LIMCH1: variants seen among roughly 807,000 people sequenced by gnomAD.
LIMCH1 encodes the protein LIM and calponin homology domains 1.
A neutral mutation model predicts 176.5 loss-of-function variants in LIMCH1; 113 were observed. The observed-to-expected ratio is 0.64, with a 90% CI of 0.55 to 0.75. The LOEUF is 0.75. Ranked by LOEUF, LIMCH1 falls within the 30% of genes least tolerant of loss-of-function variation. The probability of loss-of-function intolerance (pLI) is 0.00; values close to 1 mark genes in which losing one functional copy is unlikely to be tolerated. For missense variants in LIMCH1, 1,674 were observed against 1,814.9 expected, an observed-to-expected ratio of 0.92 and a Z score of 1.41; for synonymous variants, 619 against 645.9, an observed-to-expected ratio of 0.96 and a Z score of 0.63.
chr4:41,644,762 A>T, intron 15 of LIMCH1, 136 bp downstream of exon 15: 2 of 1,067,526 alleles, frequency 1.9e-6, no homozygotes, highest in Non-Finnish European at 2.6e-6. Flanking sequence ...GACACGGTAA[A>T]TGTGGGACTC....
chr4:41,578,966 G>A (rs1316273704), intron 1 of LIMCH1, among the ~76,000 whole-genome samples: 2 of 151,856 alleles, frequency 1.3e-5, no homozygotes, highest in African/African-American at 4.8e-5. Context: ...GCCTCCCAAA[G>A]CGCTGAGCTT....
At chr4:41,381,756 A>C (rs936447211) in intron 1 of LIMCH1, among the ~76,000 whole-genome samples, 3 of 152,144 alleles carry the variant, frequency 2.0e-5, no homozygotes, top group African/African-American at 7.2e-5. Context: ...GACCTGGACA[A>C]AGCCAAATTG....
At chr4:41,449,631 A>T (rs1424106018) in intron 1 of LIMCH1, among the ~76,000 whole-genome samples, 1 of 152,150 alleles carries the variant, frequency 6.6e-6, no homozygotes, top group Non-Finnish European at 1.5e-5. Flanking sequence ...TAGAATGTCG[A>T]TGCCACTTTT....
chr4:41,487,874 A>C (rs368099869), intron 1 of LIMCH1, among the ~76,000 whole-genome samples: 4 of 150,270 alleles, frequency 2.7e-5, no homozygotes, highest in South Asian at 2.1e-4. Context: ...GGATGGTCTC[A>C]ATCTCCTGAC....
chr4:41,387,013 C>T (rs1286445442), intron 1 of LIMCH1, among the ~76,000 whole-genome samples: 1 of 152,076 alleles, frequency 6.6e-6, no homozygotes, highest in Non-Finnish European at 1.5e-5. Context: ...TTCTTTTTCC[C>T]AAGTTCTGAA....
chr4:41,608,831 GT>G (rs2152780371), intron 4 of LIMCH1, among the ~76,000 whole-genome samples: 1 of 152,226 alleles, frequency 6.6e-6, no homozygotes, highest in East Asian at 1.9e-4. Context: ...GGGGACGAGG[GT>G]GGCCCTGGAG....
intron 1 of LIMCH1, among the ~76,000 whole-genome samples, chr4:41,441,703 T>C (rs2062718150): frequency 6.6e-6 from 1 of 152,220 alleles, no homozygotes; most frequent in Non-Finnish European, 1.5e-5. Flanking sequence ...GTTACAAAGT[T>C]GTGTCTAATA....
chr4:41,619,553 T>C (rs1561946587), intron 6 of LIMCH1, 113 bp downstream of exon 6: 1 of 1,358,120 alleles, frequency 7.4e-7, no homozygotes, highest in South Asian at 1.3e-5. Context: ...TGATGGAAGA[T>C]TACAGATGGA....
intron 14 of LIMCH1, among the ~76,000 whole-genome samples, chr4:41,641,894 A>G (rs748613254): frequency 1.2e-4 from 19 of 152,234 alleles, no homozygotes; most frequent in Non-Finnish European, 1.9e-4. Flanking sequence ...TTATTTAACT[A>G]ACTGGCTTCT....
At chr4:41,574,868 C>T (rs970524603) in intron 1 of LIMCH1, among the ~76,000 whole-genome samples, 1 of 152,168 alleles carries the variant, frequency 6.6e-6, no homozygotes, top group Non-Finnish European at 1.5e-5. Context: ...AATCATTTTA[C>T]CACTCTGAGC....
intron 1 of LIMCH1, among the ~76,000 whole-genome samples, chr4:41,479,641 T>C (rs2068272382): frequency 6.6e-6 from 1 of 152,234 alleles, no homozygotes; most frequent in South Asian, 2.1e-4. Flanking sequence ...AAAACATTAA[T>C]TATAAATATT....
chr4:41,547,879 A>T (rs544486915), intron 1 of LIMCH1, among the ~76,000 whole-genome samples: 3 of 141,282 alleles, frequency 2.1e-5, no homozygotes, highest in Non-Finnish European at 4.6e-5. Flanking sequence ...ATATATATAT[A>T]TATATATATA....
intron 18 of LIMCH1, among the ~76,000 whole-genome samples, chr4:41,652,443 A>G (rs1029951603): frequency 1.8e-4 from 27 of 152,088 alleles, no homozygotes; most frequent in African/African-American, 6.3e-4. Flanking sequence ...CTGGACTTCC[A>G]TTTTACTTGT....
intron 1 of LIMCH1, among the ~76,000 whole-genome samples, chr4:41,560,443 C>T (rs1331976349): frequency 6.6e-6 from 1 of 152,196 alleles, no homozygotes; most frequent in Non-Finnish European, 1.5e-5. Context: ...TGGAAAGCAG[C>T]ACTCTGTTAA....
chr4:41,520,783 G>A (rs2076041070), intron 2 of LIMCH1, among the ~76,000 whole-genome samples: 1 of 152,134 alleles, frequency 6.6e-6, no homozygotes, highest in South Asian at 2.1e-4. Context: ...ACATGGGATG[G>A]TACAAATGCC....
At position 41,664,162 on chromosome 4, in the gene LIMCH1, C is replaced by T. The variant is rs181926827; in HGVS notation, c.3291+1178C>T. 5.9e-5 allele frequency among the ~76,000 whole-genome samples: 9 copies of T among 152,322 alleles called. No homozygotes were observed. In the East Asian group the frequency reaches 1.3e-3, roughly 23 times the overall value. ...AGGTAATTTTAATGGGCCACCACTA[C>T]GGACTTGCACAACTGGAAGACTATC... On this transcript the variant is annotated intron_variant, in intron 20 of 31. Coordinates refer to ENST00000503057, the MANE Select transcript of LIMCH1 (RefSeq NM_001330672.2).
At chr4:41,659,192 C>T (rs1210223565) in intron 18 of LIMCH1, among the ~76,000 whole-genome samples, 1 of 152,196 alleles carries the variant, frequency 6.6e-6, no homozygotes, top group Non-Finnish European at 1.5e-5. Context: ...ACTATTCTCA[C>T]TCATTTAAGT....
At chr4:41,375,911 T>C (rs1398887937) in intron 1 of LIMCH1, among the ~76,000 whole-genome samples, 2 of 152,212 alleles carry the variant, frequency 1.3e-5, no homozygotes, top group African/African-American at 4.8e-5. Context: ...CCTTTTTTCT[T>C]TTTTGAGGGG....
chr4:41,434,938 T>C (rs1178102489), intron 1 of LIMCH1, among the ~76,000 whole-genome samples: 1 of 152,248 alleles, frequency 6.6e-6, no homozygotes, highest in Non-Finnish European at 1.5e-5. Context: ...TTTTCTACAG[T>C]TGGGTCTCCC....
Sources: allele counts gnomAD v4.1 joint callset (sites outside exome capture counted in the v4.1 genomes callset), GRCh38; gene constraint gnomAD v4.1.1; transcripts MANE v1.5; gene names NCBI Gene and HGNC (gene_info 2026-07-23, HGNC 2026-07-21).